Variants in TIGIT observed in about 807,000 individuals in gnomAD.
TIGIT encodes T cell immunoreceptor with Ig and ITIM domains.
In TIGIT, 11 loss-of-function variants were observed where a neutral mutation model predicts 19.6. The observed-to-expected ratio is 0.56, with a 90% confidence interval of 0.35 to 0.93. The LOEUF (loss-of-function observed/expected upper bound fraction) is 0.93. Among genes scored for constraint, TIGIT ranks in the 40% least tolerant of loss-of-function variants. TIGIT has a pLI of 0.01. For synonymous variants in TIGIT, 130 were observed against 125.5 expected (o/e 1.04, Z -0.24); for missense variants, 295 against 303.9 (o/e 0.97, Z 0.22).
At chr3:114,298,879 G>A (rs1457313086) in intron 2 of TIGIT, among the ~76,000 whole-genome samples, 1 of 152,178 alleles carries the variant, frequency 6.6e-6, no homozygotes, top group Non-Finnish European at 1.5e-5. Context: ...ATGCATGGGG[G>A]TGATGGTGTT....
intron 1 of TIGIT, among the ~76,000 whole-genome samples, chr3:114,294,637 T>TA (rs2078441711): frequency 6.6e-6 from 1 of 152,202 alleles, no homozygotes; most frequent in Admixed American, 6.5e-5. Flanking sequence ...CACAAATATT[T>TA]AAAAACTGTG....
intron 1 of TIGIT, chr3:114,295,095 C>T: frequency 5.4e-6 from 1 of 185,322 alleles, no homozygotes; most frequent in East Asian, 1.4e-4. Flanking sequence ...GCTAATTATA[C>T]AATACAGGCA....
At position 114,294,047 on chromosome 3, in the gene TIGIT, C is replaced by T. The variant is rs1285557535; in HGVS notation, c.-15C>T. On this transcript the variant is annotated 5_prime_UTR_variant, in exon 1 of 4. Transcript: ENST00000383671. ...GAGGCCACATCTGCTTCCTGTAGGC[C>T]CTCTGGGCAGAAGCATGCGCTGGTG... The T allele has an allele frequency of 2.6e-6, 4 of 1,550,434 alleles. No individual in the cohort carries two copies. Among genetic ancestry groups the T allele is most frequent in the African/African-American group, 2.7e-5 (2 of 73,082 alleles).
Position 114,299,590 on chromosome 3 carries a change from C to T in TIGIT, c.392-7C>T. On this transcript the variant is annotated splice_polypyrimidine_tract_variant and splice_region_variant and intron_variant, in intron 2 of 3. Coordinates refer to ENST00000383671, the MANE Select transcript of TIGIT (RefSeq NM_173799.4). Reference sequence around the variant, plus strand: ...TGCCACTCATCTCTGTTTTGTCCTCCCTCTAGTGGCTGAGCACGGTGCCAG... The same window carrying T: ...TGCCACTCATCTCTGTTTTGTCCTCTCTCTAGTGGCTGAGCACGGTGCCAG... 6.2e-7 allele frequency: 1 copy of T among 1,608,324 alleles called. No homozygotes were observed. Among genetic ancestry groups the T allele is most frequent in the Non-Finnish European group, 8.5e-7 (1 of 1,175,478 alleles).
At chr3:114,297,145 C>T (rs1015115593) in intron 2 of TIGIT, among the ~76,000 whole-genome samples, 12 of 152,166 alleles carry the variant, frequency 7.9e-5, no homozygotes, top group African/African-American at 2.7e-4. Context: ...ATCTGCCCGC[C>T]TCAGCCTCCC....
intron 3 of TIGIT, among the ~76,000 whole-genome samples, chr3:114,302,653 C>T (rs2078499805): frequency 6.6e-6 from 1 of 152,218 alleles, no homozygotes; most frequent in Non-Finnish European, 1.5e-5. Context: ...GAATCCAGTT[C>T]TGTAAAAGCA....
At chr3:114,296,750 T>C (rs2078455907) in intron 2 of TIGIT, among the ~76,000 whole-genome samples, 1 of 152,196 alleles carries the variant, frequency 6.6e-6, no homozygotes, top group Admixed American at 6.5e-5. Context: ...AACACAGATG[T>C]TTTTGTTCTA....
chr3:114,304,761 C>T (rs957657203), intron 3 of TIGIT, among the ~76,000 whole-genome samples: 2 of 152,180 alleles, frequency 1.3e-5, no homozygotes, highest in African/African-American at 4.8e-5. Context: ...GATTCTTTTC[C>T]ATCAAGGGGA....
At chr3:114,297,363 T>A (rs1323489518) in intron 2 of TIGIT, among the ~76,000 whole-genome samples, 2 of 152,206 alleles carry the variant, frequency 1.3e-5, no homozygotes, top group Non-Finnish European at 2.9e-5. Context: ...ACAACAGTGC[T>A]AGATAGGTAA....
chr3:114,302,854 C>A (rs2078501194), intron 3 of TIGIT, among the ~76,000 whole-genome samples: 1 of 152,048 alleles, frequency 6.6e-6, no homozygotes, highest in Non-Finnish European at 1.5e-5. Context: ...TCAATATAAT[C>A]AGCTATTGGA....
chr3:114,306,974 G>A (rs990768383), intron 3 of TIGIT, among the ~76,000 whole-genome samples: 1 of 152,158 alleles, frequency 6.6e-6, no homozygotes, highest in African/African-American at 2.4e-5. Flanking sequence ...GAAGTAAGAG[G>A]GAGTCCAGAG....
At chr3:114,299,886 C>G (rs964163734) in intron 3 of TIGIT, among the ~76,000 whole-genome samples, 183 bp downstream of exon 3, 5 of 152,134 alleles carry the variant, frequency 3.3e-5, no homozygotes, top group African/African-American at 1.2e-4. Context: ...CGTTGTCCCT[C>G]TCATAGGGAG....
intron 3 of TIGIT, among the ~76,000 whole-genome samples, chr3:114,303,520 C>T (rs28798083): frequency 6.8e-4 from 4 of 5,846 alleles, no homozygotes; most frequent in Non-Finnish European, 1.4e-3. Flanking sequence ...TATATATACA[C>T]ATATATATGT....
chr3:114,298,467 A>G (rs2078469082), intron 2 of TIGIT, among the ~76,000 whole-genome samples: 1 of 152,042 alleles, frequency 6.6e-6, no homozygotes, highest in African/African-American at 2.4e-5. Context: ...CCTGCCTCCA[A>G]TCTGGCTCTG....
rs920510359 is a variant in TIGIT, at chr3:114,308,354, A to C, written c.*223A>C. On this transcript the variant is annotated 3_prime_UTR_variant, in exon 4 of 4. Transcript: ENST00000383671. ...GGCAGGCCTAGGGTGAGTAACGTGG[A>C]TCTTGATCATAAATGCAAAATTAAA... is the stretch of plus-strand genomic sequence containing the variant. The C allele has an allele frequency of 4.4e-6, 2 of 450,804 alleles. No homozygotes were observed. The highest frequency in any genetic ancestry group is 3.7e-5 in the East Asian group (1 of 26,712). 27.9% of individuals were successfully genotyped at this position (450,804 alleles called of 1,614,324 possible). A position where few individuals can be genotyped will look rare whatever the true frequency, so the allele number is the denominator to read the frequency against.
intron 3 of TIGIT, among the ~76,000 whole-genome samples, chr3:114,302,730 C>T (rs2078500479): frequency 6.6e-6 from 1 of 152,200 alleles, no homozygotes; most frequent in Non-Finnish European, 1.5e-5. Context: ...GCTGGAGCTC[C>T]CCTAGCACAT....
Position 114,294,089 on chromosome 3 carries a change from G to T in TIGIT, c.28G>T (p.Ala10Ser). The change falls in exon 1 of 4, where the codon GCC becomes TCC. Residue 10 changes from alanine (A) to serine (S), a missense_variant. Physicochemically the swap from Ala to Ser is moderately conservative, Grantham distance 99 (BLOSUM62 1). Coordinates refer to ENST00000383671, the MANE Select transcript of TIGIT (RefSeq NM_173799.4). MRWCLLLIW[A>S]QGLRQAPLAS... is the part of the protein sequence containing the mutation. ...GCGCTGGTGTCTCCTCCTGATCTGG[G>T]CCCAGGGGCTGAGGCAGGCTCCCCT... is the stretch of plus-strand genomic sequence containing the variant. 5 of 1,554,726 alleles carry T rather than the reference G, an allele frequency of 3.2e-6. No individual in the cohort carries two copies. The highest frequency in any genetic ancestry group is 2.4e-5 in the East Asian group (1 of 41,544).
At chr3:114,294,982 T>C (rs1278788544) in intron 1 of TIGIT, 2 of 155,434 alleles carry the variant, frequency 1.3e-5, no homozygotes, top group African/African-American at 4.8e-5. Flanking sequence ...GTAGACAAAA[T>C]AGGCCTACGA....
intron 3 of TIGIT, among the ~76,000 whole-genome samples, chr3:114,303,243 G>T (rs1032661305): frequency 6.6e-6 from 1 of 151,896 alleles, no homozygotes; most frequent in Non-Finnish European, 1.5e-5. Context: ...TGTACCCAGT[G>T]TGTAGTCCTT....
Sources: gnomAD v4.1 joint callset for allele counts (sites outside exome capture counted in the v4.1 genomes callset) on GRCh38, gnomAD v4.1.1 for gene constraint, MANE v1.5 for transcripts, NCBI Gene and HGNC (gene_info 2026-07-23, HGNC 2026-07-21) for gene names.